MRPS6: variants seen among roughly 807,000 people sequenced by gnomAD.
MRPS6 encodes mitochondrial ribosomal protein S6.
Under a neutral mutation model 13.1 loss-of-function variants are expected in MRPS6, and 6 were observed. That is an observed-to-expected ratio of 0.46 (90% confidence interval 0.25 to 0.91). The LOEUF is 0.91. Among genes scored for constraint, MRPS6 ranks in the 40% least tolerant of loss-of-function variants. MRPS6 has a pLI of 0.18. For missense variants in MRPS6, 164 were observed against 155.6 expected (o/e 1.05, Z -0.29); for synonymous variants, 61 against 56.5 (o/e 1.08, Z -0.36).
chr21:34,132,260 T>C (rs1980530116), intron 2 of MRPS6, among the ~76,000 whole-genome samples: 1 of 152,210 alleles, frequency 6.6e-6, no homozygotes, highest in African/African-American at 2.4e-5. Context: ...TCGGAGTCAC[T>C]TCTCACCTTC....
intron 1 of MRPS6, among the ~76,000 whole-genome samples, chr21:34,078,952 T>G (rs1300795377): frequency 2.0e-5 from 3 of 152,254 alleles, no homozygotes; most frequent in African/African-American, 7.2e-5. Flanking sequence ...TAGTTACCTC[T>G]TAGGGGAATC....
chr21:34,094,025 C>T (rs901256485), intron 1 of MRPS6, among the ~76,000 whole-genome samples: 1 of 152,328 alleles, frequency 6.6e-6, no homozygotes, highest in East Asian at 1.9e-4. Context: ...CATAAAATCA[C>T]GCCTTTAGTC....
In MRPS6 at chr21:34,096,189, A is replaced by G; in HGVS notation, c.45+22444A>G. On this transcript the variant is annotated intron_variant, in intron 1 of 2. Transcript: ENST00000399312. This position sits in a 1 kb window ranked among gnomAD's most constrained non-coding sequence, Gnocchi z 5.9. ...ACTGTTTACTGATGATATAGCTTGC[A>G]TCAACCCAGAGCACTGCATGCTGGT... 1 of 1,614,196 alleles carries G rather than the reference A, an allele frequency of 6.2e-7. No individual in the cohort carries two copies. The highest frequency in any genetic ancestry group is 8.5e-7 in the Non-Finnish European group (1 of 1,180,014).
chr21:34,096,231 G>A lies in MRPS6; in HGVS notation c.45+22486G>A. ...CATGCTGGTGTGTGGAAGCAGAGCT[G>A]GTTGCTCCAATATTGCTTACCCACG... On this transcript the variant is annotated intron_variant, in intron 1 of 2. Transcript: ENST00000399312. This position sits in a 1 kb window ranked among gnomAD's most constrained non-coding sequence, Gnocchi z 5.9. The A allele has an allele frequency of 6.2e-7, 1 of 1,614,136 alleles. No individual in the cohort carries two copies. The highest frequency in any genetic ancestry group is 8.5e-7 in the Non-Finnish European group (1 of 1,180,008).
intron 2 of MRPS6, among the ~76,000 whole-genome samples, chr21:34,137,844 T>C (rs1302752771): frequency 3.3e-5 from 5 of 152,180 alleles, no homozygotes; most frequent in Admixed American, 3.3e-4. Flanking sequence ...TTGTGTTTGT[T>C]GAAATGATCA....
In MRPS6 at chr21:34,142,655, G is replaced by A; in HGVS notation, c.*55G>A. 1.4e-6 allele frequency: 2 copies of A among 1,470,728 alleles called. No individual in the cohort carries two copies. Among genetic ancestry groups the A allele is most frequent in the Non-Finnish European group, 1.8e-6 (2 of 1,115,296 alleles). 91.1% of individuals were successfully genotyped at this position (1,470,728 alleles called of 1,614,324 possible). On this transcript the variant is annotated 3_prime_UTR_variant, in exon 3 of 3. Transcript: ENST00000399312. ...TAATTCCTTCACATTTGGGCAGCAT[G>A]GACGAGAAGGAAGAATTTGCAAGTT...
chr21:34,116,396 G>C (rs1194691143), intron 1 of MRPS6, among the ~76,000 whole-genome samples: 1 of 150,680 alleles, frequency 6.6e-6, no homozygotes, highest in Non-Finnish European at 1.5e-5. Context: ...GTTCTTTAGT[G>C]GTGATTTCTG....
At chr21:34,080,147 T>C (rs1224303338) in intron 1 of MRPS6, among the ~76,000 whole-genome samples, 2 of 152,210 alleles carry the variant, frequency 1.3e-5, no homozygotes, top group Non-Finnish European at 2.9e-5. Flanking sequence ...AGTGCAAATA[T>C]ATGTCCTTGA....
chr21:34,141,010 C>T (rs757923667), intron 2 of MRPS6, among the ~76,000 whole-genome samples: 5 of 152,234 alleles, frequency 3.3e-5, no homozygotes, highest in Non-Finnish European at 5.9e-5. Flanking sequence ...TTTTGAACCT[C>T]TTTGCCCTTT....
At chr21:34,080,013 GTCT>G (rs1989424093) in intron 1 of MRPS6, among the ~76,000 whole-genome samples, 1 of 152,132 alleles carries the variant, frequency 6.6e-6, no homozygotes, top group Non-Finnish European at 1.5e-5. Context: ...ATGCCATATA[GTCT>G]TCTCTGCCCT....
intron 1 of MRPS6, among the ~76,000 whole-genome samples, chr21:34,114,902 T>C (rs1280582954): frequency 1.3e-5 from 2 of 152,222 alleles, no homozygotes; most frequent in Non-Finnish European, 2.9e-5. Flanking sequence ...AGTGGGTTCA[T>C]TTTTTAAATT....
chr21:34,095,659 T>C, intron 1 of MRPS6: 2 of 1,613,718 alleles, frequency 1.2e-6, no homozygotes, highest in Non-Finnish European at 1.7e-6. Flanking sequence ...CAGGAGTCTT[T>C]GGGTTGGAAT....
chr21:34,132,679 C>T (rs374531298), intron 2 of MRPS6, among the ~76,000 whole-genome samples: 7 of 152,306 alleles, frequency 4.6e-5, no homozygotes, highest in African/African-American at 1.4e-4. Flanking sequence ...GAGTCCGGAG[C>T]TTGACTCTCA....
At position 34,099,022 on chromosome 21, in the gene MRPS6, T is replaced by C. The variant is rs1260863637; in HGVS notation, c.45+25277T>C. 3 of 990,850 alleles carry C rather than the reference T, an allele frequency of 3.0e-6. No homozygotes were observed. In the East Asian group the frequency reaches 3.4e-4, roughly 113 times the overall value. 61.4% of individuals were successfully genotyped at this position (990,850 alleles called of 1,614,324 possible). ...TTTAATTTTTTTGTAGTCTATAAACTAGTTTCATTATGATGGACTTGATTA... is the reference window on the plus strand; with the variant it reads ...TTTAATTTTTTTGTAGTCTATAAACCAGTTTCATTATGATGGACTTGATTA... On this transcript the variant is annotated intron_variant, in intron 1 of 2. Transcript: ENST00000399312.
Position 34,133,207 on chromosome 21 carries a change from A to G in MRPS6, c.185+7727A>G, listed in dbSNP as rs573530077. Reference sequence around the variant, plus strand: ...AAGACACTTCTTTTTTAAGTTCAGAAATATGAGGTTTCTGATATATCTGGC... The same window carrying G: ...AAGACACTTCTTTTTTAAGTTCAGAGATATGAGGTTTCTGATATATCTGGC... On this transcript the variant is annotated intron_variant, in intron 2 of 2. Coordinates refer to ENST00000399312, the MANE Select transcript of MRPS6 (RefSeq NM_032476.4). Among the ~76,000 whole-genome samples, 43 of 152,340 alleles carry G rather than the reference A, an allele frequency of 2.8e-4. No individual in the cohort carries two copies. In the South Asian group the frequency reaches 5.6e-3, roughly 20 times the overall value.
At chr21:34,126,442 T>C (rs146695519) in intron 2 of MRPS6, among the ~76,000 whole-genome samples, 2 of 152,378 alleles carry the variant, frequency 1.3e-5, no homozygotes, top group African/African-American at 4.8e-5. Flanking sequence ...AATTTCATCT[T>C]TTGATTGCTT....
In MRPS6 at chr21:34,142,486, G is replaced by C. The variant is rs1186604261; in HGVS notation, c.264G>C (p.Val88=). 6.2e-7 allele frequency: 1 copy of C among 1,613,296 alleles called. No homozygotes were observed. The highest frequency in any genetic ancestry group is 1.7e-5 in the Admixed American group (1 of 59,902). ...MVEHLSRDID[V]IRGNIVKHPL... Reference sequence around the variant, plus strand: ...AGCACTTGTCTCGAGATATAGATGTGATTAGAGGGAATATTGTCAAACACC... The same window carrying C: ...AGCACTTGTCTCGAGATATAGATGTCATTAGAGGGAATATTGTCAAACACC... Residue 88 remains valine (V), a synonymous_variant, in exon 3 of 3, where the codon GTG becomes GTC. Coordinates refer to ENST00000399312, the MANE Select transcript of MRPS6 (RefSeq NM_032476.4).
chr21:34,101,078 G>C (rs1979215956), intron 1 of MRPS6: 2 of 999,974 alleles, frequency 2.0e-6, no homozygotes, highest in Non-Finnish European at 1.2e-6. Context: ...GACCTTTCCT[G>C]TTAAATTACG....
chr21:34,090,717 T>A lies in MRPS6; in HGVS notation c.45+16972T>A, dbSNP rs79292992. On this transcript the variant is annotated intron_variant, in intron 1 of 2. Transcript: ENST00000399312. ...AATACTAGCTTTCTCTGTTACTTAT[T>A]CCTTATAAATCATAAGGAGCAAGTT... Among the ~76,000 whole-genome samples the A allele has an allele frequency of 1.7e-3, 260 of 152,332 alleles. 2 individuals carry two copies. The highest frequency in any genetic ancestry group is 6.0e-3 in the African/African-American group (251 of 41,582).
Sources: allele counts gnomAD v4.1 joint callset (sites outside exome capture counted in the v4.1 genomes callset), GRCh38; gene constraint gnomAD v4.1.1; non-coding constraint Gnocchi (gnomAD v3.1); transcripts MANE v1.5; gene names NCBI Gene and HGNC (gene_info 2026-07-23, HGNC 2026-07-21).